The following UNC5A variants were observed in gnomAD, a reference collection of about 807,000 sequenced individuals.
UNC5A encodes unc-5 netrin receptor A.
In UNC5A, 20 loss-of-function variants were observed where a neutral mutation model predicts 87.4. The observed-to-expected ratio is 0.23, with a 90% CI of 0.16 to 0.33. UNC5A has a LOEUF of 0.33. UNC5A is among the 10% of genes least tolerant of loss of function. The pLI, the probability that UNC5A is intolerant of heterozygous loss-of-function variation, is 1.00. For synonymous variants in UNC5A, 438 were observed against 482.3 expected (o/e 0.91, Z 1.20); for missense variants, 844 against 1,133.4 (o/e 0.74, Z 3.67).
chr5:176,852,976 AG>A (rs1313744780), intron 1 of UNC5A, among the ~76,000 whole-genome samples: 5 of 152,246 alleles, frequency 3.3e-5, no homozygotes, highest in Non-Finnish European at 1.5e-5. Flanking sequence ...AGGCGTGAGG[AG>A]GAAAACAGAC....
rs139675843 is a variant in UNC5A at position 176,843,643 on chromosome 5, G to A, written c.71-18981G>A. Among the ~76,000 whole-genome samples, 34 of 152,364 alleles carry A rather than the reference G, an allele frequency of 2.2e-4. No individual in the cohort carries two copies. The East Asian group carries it at 6.2e-3, about 28-fold the overall frequency. On this transcript the variant is annotated intron_variant, in intron 1 of 14. Coordinates refer to ENST00000329542, the MANE Select transcript of UNC5A (RefSeq NM_133369.3). ...GGGTGTAGTAAGTATGGAAGTGCTC[G>A]CTGCTCTTATTATTATTAGTGTGAC...
chr5:176,812,384 C>T (rs1366705442), intron 1 of UNC5A, among the ~76,000 whole-genome samples: 11 of 152,188 alleles, frequency 7.2e-5, no homozygotes, highest in Non-Finnish European at 1.3e-4. Context: ...ATGTCGCCCA[C>T]GTGAGCACGT....
intron 1 of UNC5A, among the ~76,000 whole-genome samples, chr5:176,827,406 C>T (rs1298892466): frequency 6.6e-6 from 1 of 151,978 alleles, no homozygotes; most frequent in Non-Finnish European, 1.5e-5. Context: ...TGATCTCAAA[C>T]TCTTGACCTC....
intron 1 of UNC5A, among the ~76,000 whole-genome samples, chr5:176,830,099 C>T (rs1756962094): frequency 6.6e-6 from 1 of 152,028 alleles, no homozygotes; most frequent in Non-Finnish European, 1.5e-5. Flanking sequence ...AGTCACAAAA[C>T]TTTTACTCTT....
intron 1 of UNC5A, among the ~76,000 whole-genome samples, chr5:176,825,054 C>T (rs935283024): frequency 1.3e-5 from 2 of 152,254 alleles, no homozygotes; most frequent in East Asian, 3.9e-4. Flanking sequence ...CCTTAGATTT[C>T]GCCTGTTCAG....
intron 1 of UNC5A, among the ~76,000 whole-genome samples, chr5:176,852,720 C>A (rs7705678): frequency 1.3e-5 from 2 of 152,238 alleles, no homozygotes; most frequent in East Asian, 3.8e-4. Context: ...GCACTCCCCC[C>A]GGGAGTTTCT....
At chr5:176,821,993 G>T (rs142859410) in intron 1 of UNC5A, among the ~76,000 whole-genome samples, 56 of 152,362 alleles carry the variant, frequency 3.7e-4, no homozygotes, top group Non-Finnish European at 6.8e-4. Flanking sequence ...TAGGACCTGG[G>T]AGGACTGTGC....
intron 1 of UNC5A, among the ~76,000 whole-genome samples, chr5:176,816,685 A>G (rs1344709148): frequency 1.3e-5 from 2 of 152,248 alleles, no homozygotes; most frequent in African/African-American, 2.4e-5. Flanking sequence ...AACTGACTCA[A>G]AAAGAACCCA....
chr5:176,818,438 G>A (rs1440495401), intron 1 of UNC5A, among the ~76,000 whole-genome samples: 2 of 152,234 alleles, frequency 1.3e-5, no homozygotes. Context: ...GGAGCCCCTG[G>A]GGGCTATAGA....
At chr5:176,861,871 G>A (rs545451851) in intron 1 of UNC5A, among the ~76,000 whole-genome samples, 4 of 152,250 alleles carry the variant, frequency 2.6e-5, no homozygotes, top group Admixed American at 2.6e-4. Context: ...TGGGAGCTGA[G>A]GGTGACCCCC....
chr5:176,877,782 G>A, intron 10 of UNC5A, 79 bp downstream of exon 10: 2 of 1,519,218 alleles, frequency 1.3e-6, no homozygotes, highest in Non-Finnish European at 1.8e-6. Context: ...ACCGCTGGGT[G>A]GTCCTGAGCC....
chr5:176,877,621 T>C lies in UNC5A; in HGVS notation c.1553T>C (p.Leu518Pro). ...GTCCTGCTCACCCGGCCAGTCATCC[T>C]GGCTATGGACCACTGTGGGGAGCCC... ...PGVLLTRPVILAMDHCGEPSP... is the reference protein window; with the variant it reads ...PGVLLTRPVIPAMDHCGEPSP... Residue 518 changes from leucine to proline, a missense_variant, in exon 10 of 15, where the codon CTG (leucine) becomes CCG (proline). Leu to Pro is a moderately conservative substitution (Grantham distance 98). Transcript: ENST00000329542. The C allele has an allele frequency of 6.2e-7, 1 of 1,612,662 alleles. No homozygotes were observed. The highest frequency in any genetic ancestry group is 8.5e-7 in the Non-Finnish European group (1 of 1,179,746).
chr5:176,838,416 C>T lies in UNC5A; in HGVS notation c.71-24208C>T, dbSNP rs964957601. ...TGTCTTCTTACCTCTCCTCATGTTT[C>T]CTTCACTCCAGCCAAACTGGATTCT... On this transcript the variant is annotated intron_variant, in intron 1 of 14. Coordinates refer to ENST00000329542, the MANE Select transcript of UNC5A (RefSeq NM_133369.3). This position sits in a 1 kb window ranked among gnomAD's most constrained non-coding sequence, Gnocchi z 4.2. Among the ~76,000 whole-genome samples the T allele has an allele frequency of 2.6e-5, 4 of 152,244 alleles. No individual in the cohort carries two copies. Among genetic ancestry groups the T allele is most frequent in the African/African-American group, 9.6e-5 (4 of 41,468 alleles).
intron 1 of UNC5A, among the ~76,000 whole-genome samples, chr5:176,827,588 G>T (rs551824412): frequency 1.3e-5 from 2 of 152,106 alleles, no homozygotes; most frequent in African/African-American, 4.8e-5. Context: ...ACCTTTTGGC[G>T]ACTGAATAAG....
chr5:176,837,998 C>T (rs576022129), intron 1 of UNC5A, among the ~76,000 whole-genome samples: 1 of 152,352 alleles, frequency 6.6e-6, no homozygotes, highest in African/African-American at 2.4e-5. Flanking sequence ...CATCCAGTCA[C>T]TGTTGTGCAA....
intron 6 of UNC5A, among the ~76,000 whole-genome samples, chr5:176,873,345 C>T (rs1409592387): frequency 6.6e-6 from 1 of 152,052 alleles, no homozygotes; most frequent in Non-Finnish European, 1.5e-5. Context: ...TAGAACATAC[C>T]CTCCCCCATT....
At position 176,866,748 on chromosome 5, in the gene UNC5A, C is replaced by A. The variant is rs1345062209; in HGVS notation, c.293-1382C>A. Among the ~76,000 whole-genome samples the A allele has an allele frequency of 6.6e-6, 1 of 152,148 alleles. No homozygotes were observed. Among genetic ancestry groups the A allele is most frequent in the Non-Finnish European group, 1.5e-5 (1 of 68,026 alleles). On this transcript the variant is annotated intron_variant, in intron 2 of 14. Transcript: ENST00000329542. The surrounding 1 kb of genome is among the most constrained non-coding windows in gnomAD (Gnocchi z 5.0). ...CAAGGCCCCTCTCCTATACAAGGAC[C>A]CTGTGAGCCACCCCCTCGTTCTCAG...
chr5:176,870,843 C>T (rs1170231582), intron 6 of UNC5A, among the ~76,000 whole-genome samples: 2 of 149,970 alleles, frequency 1.3e-5, no homozygotes, highest in African/African-American at 4.9e-5. Flanking sequence ...TTCACATCTG[C>T]CCACGCTCAC....
At chr5:176,843,880 G>A (rs942134933) in intron 1 of UNC5A, among the ~76,000 whole-genome samples, 9 of 152,256 alleles carry the variant, frequency 5.9e-5, no homozygotes, top group Admixed American at 6.5e-5. Context: ...ACAGACGTGC[G>A]GCGCGTGGGG....
Sources: gnomAD v4.1 joint callset for allele counts (sites outside exome capture counted in the v4.1 genomes callset) on GRCh38, gnomAD v4.1.1 for gene constraint, Gnocchi (gnomAD v3.1) non-coding constraint, MANE v1.5 for transcripts, NCBI Gene and HGNC (gene_info 2026-07-23, HGNC 2026-07-21) for gene names.